The following FIGLA variants were observed in gnomAD, a reference collection of about 807,000 sequenced individuals.
FIGLA encodes the protein factor in the germline alpha.
Under a neutral mutation model 21.5 loss-of-function variants are expected in FIGLA, and 17 were observed. That is an observed-to-expected ratio of 0.79 (90% CI 0.54 to 1.19). The LOEUF (loss-of-function observed/expected upper bound fraction) is 1.19. FIGLA is among the 50% of genes most tolerant of loss of function. The pLI, the probability that FIGLA is intolerant of heterozygous loss-of-function variation, is 0.00. For missense variants in FIGLA, 282 were observed against 285.0 expected (o/e 0.99, Z 0.08); for synonymous variants, 129 against 117.6 (o/e 1.10, Z -0.63).
rs544877862 is a variant in FIGLA at position 70,782,140 on chromosome 2, T to A, written c.609+3275A>T. 2.6e-5 allele frequency among the ~76,000 whole-genome samples: 4 copies of A among 152,220 alleles called. No individual in the cohort carries two copies. The South Asian group carries it at 8.3e-4, about 32-fold the overall frequency. On this transcript the variant is annotated intron_variant, in intron 3 of 4. Transcript: ENST00000332372. ...GATCTTTACATAGTTTCAAAGCACCTCCTCACAAAATACATATTAATTACA... is the reference window on the plus strand; with the variant it reads ...GATCTTTACATAGTTTCAAAGCACCACCTCACAAAATACATATTAATTACA...
At position 70,779,916 on chromosome 2, in the gene FIGLA, C is replaced by T. The variant is rs61248024; in HGVS notation, c.610-2245G>A. On this transcript the variant is annotated intron_variant, in intron 3 of 4. Coordinates refer to ENST00000332372, the MANE Select transcript of FIGLA (RefSeq NM_001004311.3). The stretch of plus-strand genomic sequence containing the variant: ...GAAGGAATATACAATGGCAAGACAG[C>T]GAACAGCCTGCCATCTAGCAATGCC... Among the ~76,000 whole-genome samples, 1,327 of 152,224 alleles carry T rather than the reference C, an allele frequency of 8.7e-3. 20 individuals are homozygous for T. Among genetic ancestry groups the T allele is most frequent in the African/African-American group, 0.03 (1,251 of 41,540 alleles).
chr2:70,780,049 C>T (rs1675826855), intron 3 of FIGLA, among the ~76,000 whole-genome samples: 1 of 152,194 alleles, frequency 6.6e-6, no homozygotes, highest in African/African-American at 2.4e-5. Context: ...GCTGTGGCTT[C>T]TCATGGCTCA....
At chr2:70,783,430 G>C (rs1675893368) in intron 3 of FIGLA, among the ~76,000 whole-genome samples, 1 of 152,162 alleles carries the variant, frequency 6.6e-6, no homozygotes, top group South Asian at 2.1e-4. Context: ...AATTATCCTT[G>C]GAAAACAAGG....
intron 3 of FIGLA, among the ~76,000 whole-genome samples, chr2:70,779,047 C>G (rs1457436566): frequency 6.6e-6 from 1 of 152,190 alleles, no homozygotes; most frequent in Non-Finnish European, 1.5e-5. Context: ...GGCACCATCA[C>G]AGCACCAGCC....
At chr2:70,789,560 T>C (rs1442181416) in intron 1 of FIGLA, among the ~76,000 whole-genome samples, 1 of 152,162 alleles carries the variant, frequency 6.6e-6, no homozygotes, top group Non-Finnish European at 1.5e-5. Context: ...CTTGATTCAC[T>C]GGGACATTTC....
At chr2:70,787,956 C>T (rs950948967) in intron 1 of FIGLA, among the ~76,000 whole-genome samples, 155 bp from the exon 2 acceptor site, 2 of 152,198 alleles carry the variant, frequency 1.3e-5, no homozygotes, top group Admixed American at 1.3e-4. Flanking sequence ...ACCAGCAGTG[C>T]AGTTCATAGT....
At chr2:70,785,334 C>T in intron 3 of FIGLA, 81 bp downstream of exon 3, 2 of 1,148,072 alleles carry the variant, frequency 1.7e-6, no homozygotes, top group Admixed American at 2.1e-5. Flanking sequence ...CATGTTTTAG[C>T]ATGGAAAAAT....
At chr2:70,782,985 G>A (rs1675883229) in intron 3 of FIGLA, among the ~76,000 whole-genome samples, 2 of 151,574 alleles carry the variant, frequency 1.3e-5, no homozygotes, top group Non-Finnish European at 2.9e-5. Flanking sequence ...TTGAACCCGG[G>A]AGGCGGAGGT....
chr2:70,786,097 C>T (rs1478907064), intron 2 of FIGLA, among the ~76,000 whole-genome samples: 1 of 152,210 alleles, frequency 6.6e-6, no homozygotes, highest in Non-Finnish European at 1.5e-5. Context: ...TACTATCATA[C>T]ACCTGGAGAT....
intron 1 of FIGLA, 99 bp from the exon 2 acceptor site, chr2:70,787,900 G>T: frequency 1.6e-6 from 2 of 1,261,686 alleles, no homozygotes; most frequent in Non-Finnish European, 1.1e-6. Flanking sequence ...CTCCTTGTCT[G>T]AGTGGCAAAT....
chr2:70,784,904 C>T (rs1553389621), intron 3 of FIGLA, among the ~76,000 whole-genome samples: 2 of 146,440 alleles, frequency 1.4e-5, no homozygotes, highest in Non-Finnish European at 3.0e-5. Context: ...TTTGTTATTT[C>T]ATTTAAAATG....
chr2:70,780,132 G>A (rs1034596958), intron 3 of FIGLA, among the ~76,000 whole-genome samples: 7 of 152,112 alleles, frequency 4.6e-5, no homozygotes, highest in East Asian at 3.9e-4. Context: ...GGCCCCAGAC[G>A]TTAATCTCCA....
chr2:70,782,740 A>C (rs1299165305), intron 3 of FIGLA, among the ~76,000 whole-genome samples: 1 of 152,176 alleles, frequency 6.6e-6, no homozygotes, highest in Non-Finnish European at 1.5e-5. Context: ...ACCTTTCTAT[A>C]AGTTGACTAT....
intron 3 of FIGLA, among the ~76,000 whole-genome samples, chr2:70,782,411 T>C (rs2104598185): frequency 6.6e-6 from 1 of 152,306 alleles, no homozygotes; most frequent in East Asian, 1.9e-4. Context: ...AAACGTGTCA[T>C]GGTTATAAGT....
intron 1 of FIGLA, among the ~76,000 whole-genome samples, chr2:70,789,960 C>G (rs1553390586): frequency 6.6e-6 from 1 of 152,176 alleles, no homozygotes. Context: ...TCTCCTCACC[C>G]TCGTGTGTGC....
chr2:70,785,780 G>C, intron 2 of FIGLA, 141 bp from the exon 3 acceptor site: 2 of 694,620 alleles, frequency 2.9e-6, no homozygotes, highest in South Asian at 3.7e-5. Flanking sequence ...GGAGAGAAAA[G>C]CATTGTTCAA....
At chr2:70,787,056 T>C (rs1319612557) in intron 2 of FIGLA, among the ~76,000 whole-genome samples, 1 of 152,226 alleles carries the variant, frequency 6.6e-6, no homozygotes, top group African/African-American at 2.4e-5. Flanking sequence ...TGGACACTTC[T>C]GAGCTATCTC....
At chr2:70,789,767 A>C (rs1003560190) in intron 1 of FIGLA, among the ~76,000 whole-genome samples, 6 of 152,108 alleles carry the variant, frequency 3.9e-5, no homozygotes, top group African/African-American at 1.4e-4. Flanking sequence ...AGATAGTAAA[A>C]TCTACCAGCA....
At chr2:70,777,403 C>A in intron 4 of FIGLA, 21 bp from the exon 5 acceptor site, 1 of 1,453,024 alleles carries the variant, frequency 6.9e-7, no homozygotes, top group Non-Finnish European at 9.1e-7. Context: ...GAAAACATTC[C>A]ATTATAAATA....
Sources: gnomAD v4.1 joint callset for allele counts (sites outside exome capture counted in the v4.1 genomes callset) on GRCh38, gnomAD v4.1.1 for gene constraint, MANE v1.5 for transcripts, NCBI Gene and HGNC (gene_info 2026-07-23, HGNC 2026-07-21) for gene names.